The following NELL2 variants were observed in gnomAD, a reference collection of about 807,000 sequenced individuals.
NELL2 encodes the protein neural EGFL like 2.
Under a neutral mutation model 109.6 loss-of-function variants are expected in NELL2, and 41 were observed. That is an observed-to-expected ratio of 0.37 (90% CI 0.29 to 0.49). NELL2 has a LOEUF of 0.49. NELL2 is among the 20% of genes least tolerant of loss of function. The pLI is 0.98. For synonymous variants in NELL2, 355 were observed against 344.7 expected (o/e 1.03, Z -0.33); for missense variants, 900 against 1,008.3 (o/e 0.89, Z 1.45).
chr12:44,560,531 A>T (rs552926651), intron 15 of NELL2, among the ~76,000 whole-genome samples: 1 of 152,330 alleles, frequency 6.6e-6, no homozygotes, highest in Admixed American at 6.5e-5. Context: ...ACAAACTACC[A>T]TCAGAGAATA....
chr12:44,740,549 C>T (rs527897845), intron 9 of NELL2, among the ~76,000 whole-genome samples: 43 of 151,900 alleles, frequency 2.8e-4, no homozygotes, highest in South Asian at 1.9e-3. Flanking sequence ...CAAAACTGTA[C>T]GGCATGCTTT....
At chr12:44,797,554 C>T (rs900430611) in intron 3 of NELL2, among the ~76,000 whole-genome samples, 1 of 151,800 alleles carries the variant, frequency 6.6e-6, no homozygotes, top group African/African-American at 2.4e-5. Flanking sequence ...GACCTGACAA[C>T]TTGGCCAGTT....
intron 9 of NELL2, among the ~76,000 whole-genome samples, chr12:44,768,827 T>C (rs1941436851): frequency 6.6e-6 from 1 of 152,162 alleles, no homozygotes; most frequent in Non-Finnish European, 1.5e-5. Flanking sequence ...CGTGTCTCTA[T>C]CACACCAACT....
At chr12:44,847,334 C>A (rs980252031) in intron 2 of NELL2, among the ~76,000 whole-genome samples, 3 of 152,120 alleles carry the variant, frequency 2.0e-5, no homozygotes, top group African/African-American at 7.2e-5. Flanking sequence ...ATCTTCGAAA[C>A]CAATCTGTAC....
chr12:44,656,317 C>A (rs1947498694), intron 13 of NELL2, among the ~76,000 whole-genome samples: 1 of 137,954 alleles, frequency 7.2e-6, no homozygotes, highest in Non-Finnish European at 1.6e-5. Context: ...AACCGTACAT[C>A]AAGGTTTTTA....
At chr12:44,854,603 T>C (rs1239865720) in intron 2 of NELL2, among the ~76,000 whole-genome samples, 1 of 152,082 alleles carries the variant, frequency 6.6e-6, no homozygotes, top group Non-Finnish European at 1.5e-5. Flanking sequence ...TTTGCTAAAA[T>C]ACTGTTATCT....
chr12:44,534,928 T>C (rs896794839), intron 15 of NELL2, among the ~76,000 whole-genome samples: 1 of 152,048 alleles, frequency 6.6e-6, no homozygotes, highest in African/African-American at 2.4e-5. Flanking sequence ...TTCTATGGTA[T>C]AGATATATAT....
chr12:44,797,726 A>G (rs913323957), intron 3 of NELL2, among the ~76,000 whole-genome samples: 1 of 150,680 alleles, frequency 6.6e-6, no homozygotes, highest in South Asian at 2.1e-4. Flanking sequence ...GGTCTGAAAA[A>G]CTCAACATTA....
At chr12:44,697,112 T>C (rs1393787284) in intron 12 of NELL2, among the ~76,000 whole-genome samples, 3 of 152,222 alleles carry the variant, frequency 2.0e-5, no homozygotes. Flanking sequence ...AGCATATTTC[T>C]GGTCACAGAA....
chr12:44,627,482 G>C (rs1946309909), intron 13 of NELL2, among the ~76,000 whole-genome samples: 1 of 149,116 alleles, frequency 6.7e-6, no homozygotes, highest in African/African-American at 2.5e-5. Context: ...AAAATCCCTG[G>C]TCTAGAGTGG....
chr12:44,896,968 G>A (rs1164050098), intron 1 of NELL2, among the ~76,000 whole-genome samples: 1 of 152,204 alleles, frequency 6.6e-6, no homozygotes, highest in Non-Finnish European at 1.5e-5. Context: ...AAGCACAGGA[G>A]TGACTTAATC....
chr12:44,549,719 T>C (rs942018182), intron 15 of NELL2, among the ~76,000 whole-genome samples: 8 of 151,960 alleles, frequency 5.3e-5, no homozygotes, highest in African/African-American at 1.9e-4. Flanking sequence ...CTAAAAACTA[T>C]AAAACATAAT....
intron 9 of NELL2, among the ~76,000 whole-genome samples, chr12:44,762,406 C>T (rs940083183): frequency 6.6e-6 from 1 of 152,124 alleles, no homozygotes; most frequent in African/African-American, 2.4e-5. Context: ...TTGGCTCTAC[C>T]TTCAAAATAT....
At chr12:44,620,333 G>C (rs1198665013) in intron 13 of NELL2, among the ~76,000 whole-genome samples, 1 of 152,026 alleles carries the variant, frequency 6.6e-6, no homozygotes, top group Admixed American at 6.6e-5. Flanking sequence ...AAAACAAAAT[G>C]ACTGGCACAA....
intron 9 of NELL2, among the ~76,000 whole-genome samples, chr12:44,770,898 A>G (rs540388867): frequency 1.3e-5 from 2 of 152,326 alleles, no homozygotes; most frequent in Admixed American, 6.5e-5. Context: ...TAAATAAATA[A>G]AGGCATGCAT....
At chr12:44,568,485 T>C (rs549196548) in intron 15 of NELL2, among the ~76,000 whole-genome samples, 1 of 152,122 alleles carries the variant, frequency 6.6e-6, no homozygotes, top group Non-Finnish European at 1.5e-5. Flanking sequence ...CATCTAGAGA[T>C]GGTATTACAT....
chr12:44,561,599 A>T (rs886207748), intron 15 of NELL2, among the ~76,000 whole-genome samples: 29 of 152,206 alleles, frequency 1.9e-4, no homozygotes, highest in Non-Finnish European at 2.8e-4. Flanking sequence ...ATACATAAGA[A>T]TACAACTTAC....
At chr12:44,750,076 A>G (rs936286614) in intron 9 of NELL2, among the ~76,000 whole-genome samples, 2 of 152,150 alleles carry the variant, frequency 1.3e-5, no homozygotes, top group African/African-American at 2.4e-5. Context: ...AGCTCATTGC[A>G]ATAAGAAAAG....
At chr12:44,784,707 G>A (rs1337235480) in intron 3 of NELL2, among the ~76,000 whole-genome samples, 3 of 152,088 alleles carry the variant, frequency 2.0e-5, no homozygotes, top group African/African-American at 4.8e-5. Flanking sequence ...TCATCCCTGC[G>A]ATGCAAGGCT....
Sources: allele counts gnomAD v4.1 joint callset (sites outside exome capture counted in the v4.1 genomes callset), GRCh38; gene constraint gnomAD v4.1.1; transcripts MANE v1.5; gene names NCBI Gene and HGNC (gene_info 2026-07-23, HGNC 2026-07-21).